SH3GL2: variants seen among roughly 807,000 people sequenced by gnomAD.
The protein encoded by SH3GL2 is SH3 domain containing GRB2 like 2, endophilin A1.
Under a neutral mutation model 46.0 loss-of-function variants are expected in SH3GL2, and 24 were observed. The ratio of observed to expected loss-of-function variants is 0.52; its 90% CI spans 0.38 to 0.73. The LOEUF (loss-of-function observed/expected upper bound fraction) is 0.73. Among genes scored for constraint, SH3GL2 ranks in the 30% least tolerant of loss-of-function variants. The pLI is 0.00. For synonymous variants in SH3GL2, 196 were observed against 147.1 expected (o/e 1.33, Z -2.40); for missense variants, 413 against 424.2 (o/e 0.97, Z 0.23).
chr9:17,713,568 C>T (rs1427617403), intron 1 of SH3GL2, among the ~76,000 whole-genome samples: 1 of 151,456 alleles, frequency 6.6e-6, no homozygotes, highest in Non-Finnish European at 1.5e-5. Context: ...TAGTGTCATT[C>T]CACAAATTCC....
chr9:17,787,637 C>T, intron 5 of SH3GL2, 124 bp downstream of exon 5: 2 of 696,070 alleles, frequency 2.9e-6, no homozygotes, highest in East Asian at 2.7e-5. Context: ...ACGTTAATTA[C>T]AAAACAACCC....
intron 1 of SH3GL2, among the ~76,000 whole-genome samples, chr9:17,683,106 TTAAC>T (rs1206496735): frequency 1.3e-4 from 20 of 152,250 alleles, no homozygotes; most frequent in Admixed American, 1.1e-3. Flanking sequence ...AGACATTTGC[TTAAC>T]TGGAGTAAAT....
intron 1 of SH3GL2, among the ~76,000 whole-genome samples, chr9:17,652,270 T>TC (rs1406657166): frequency 1.3e-5 from 2 of 152,148 alleles, no homozygotes; most frequent in African/African-American, 4.8e-5. Flanking sequence ...CATTATACTT[T>TC]AAGGATTTTA....
At chr9:17,739,398 C>G (rs566037724) in intron 1 of SH3GL2, among the ~76,000 whole-genome samples, 2 of 151,874 alleles carry the variant, frequency 1.3e-5, no homozygotes, top group African/African-American at 4.8e-5. Context: ...AATCTGACCT[C>G]AAGTCTTAGA....
intron 1 of SH3GL2, among the ~76,000 whole-genome samples, chr9:17,731,428 A>C (rs1822178304): frequency 6.6e-6 from 1 of 151,584 alleles, no homozygotes; most frequent in Non-Finnish European, 1.5e-5. Flanking sequence ...GGGAAGAGAG[A>C]GAGAGAGAAA....
intron 1 of SH3GL2, among the ~76,000 whole-genome samples, chr9:17,598,129 T>A (rs1818607738): frequency 6.6e-6 from 1 of 152,178 alleles, no homozygotes; most frequent in African/African-American, 2.4e-5. Flanking sequence ...CATGTTCTTT[T>A]CAGTATGTAG....
chr9:17,702,601 A>G (rs974650976), intron 1 of SH3GL2, among the ~76,000 whole-genome samples: 6 of 152,138 alleles, frequency 3.9e-5, no homozygotes, highest in Admixed American at 1.3e-4. Context: ...CTTGCTTATC[A>G]TATCATTGCA....
intron 1 of SH3GL2, among the ~76,000 whole-genome samples, chr9:17,733,124 G>T (rs10810838): frequency 0.19 from 28,763 of 151,912 alleles, 3,340 homozygotes; most frequent in East Asian, 0.37. Context: ...TTTTTGATGG[G>T]TGGTCAGACC....
Position 17,758,561 on chromosome 9 carries a change from C to CAAAAAAA in SH3GL2, c.115-2848_115-2842dup, listed in dbSNP as rs57019804. 4.6e-3 allele frequency among the ~76,000 whole-genome samples: 134 copies of CAAAAAAA among 29,218 alleles called. 20 individuals are homozygous for CAAAAAAA. The highest frequency in any genetic ancestry group is 9.6e-3 in the East Asian group (3 of 314). The allele number at this position is 29,218 out of a possible 152,430, so 19.2% of individuals were successfully genotyped here. On this transcript the variant is annotated intron_variant, in intron 2 of 8. Coordinates refer to ENST00000380607, the MANE Select transcript of SH3GL2 (RefSeq NM_003026.5). ...TGGGGGAGAGAGTAAGACCCTGTCT[C>CAAAAAAA]AAAAAAAAAAAAAAAAAAAAAAAAA...
chr9:17,723,560 T>C (rs1249438358), intron 1 of SH3GL2, among the ~76,000 whole-genome samples: 1 of 152,164 alleles, frequency 6.6e-6, no homozygotes, highest in Non-Finnish European at 1.5e-5. Context: ...ACTTTCAAAC[T>C]GTGTAACAGG....
chr9:17,775,699 G>A (rs1182345684), intron 3 of SH3GL2, among the ~76,000 whole-genome samples: 1 of 152,178 alleles, frequency 6.6e-6, no homozygotes, highest in East Asian at 1.9e-4. Context: ...AAAGGAATTA[G>A]GTCACTAAAA....
chr9:17,678,315 A>G lies in SH3GL2; in HGVS notation c.46-68751A>G, dbSNP rs138649294. 4.7e-3 allele frequency among the ~76,000 whole-genome samples: 709 copies of G among 152,208 alleles called. 9 individuals are homozygous for G. The highest frequency in any genetic ancestry group is 0.016 in the African/African-American group (681 of 41,522). On this transcript the variant is annotated intron_variant, in intron 1 of 8. Transcript: ENST00000380607. ...GCACCTGTTGTTTCCTGACTTTTTA[A>G]TGATCGCCATTGTAACTGGTATGAG... is the stretch of plus-strand genomic sequence containing the variant.
intron 3 of SH3GL2, among the ~76,000 whole-genome samples, chr9:17,785,776 C>T (rs138606593): frequency 3.6e-4 from 55 of 152,230 alleles, no homozygotes; most frequent in African/African-American, 1.3e-3. Context: ...TAGTTATGTG[C>T]TGGAGAAGTG....
chr9:17,713,352 T>A (rs1310778387), intron 1 of SH3GL2, among the ~76,000 whole-genome samples: 1 of 151,604 alleles, frequency 6.6e-6, no homozygotes, highest in Non-Finnish European at 1.5e-5. Context: ...AATAACATGC[T>A]TTTGGCATCA....
intron 1 of SH3GL2, among the ~76,000 whole-genome samples, chr9:17,744,660 G>A (rs559160388): frequency 1.3e-5 from 2 of 152,194 alleles, no homozygotes; most frequent in African/African-American, 2.4e-5. Flanking sequence ...GAGCCACTGT[G>A]CCTGGCCTAG....
chr9:17,745,030 G>A lies in SH3GL2; in HGVS notation c.46-2036G>A, dbSNP rs561646026. On this transcript the variant is annotated intron_variant, in intron 1 of 8. Transcript: ENST00000380607. ...TGGGTGGATGTAAAAACTCCTAGGG[G>A]TTTTTCCTGGAAAAACTGCTTCTAA... Among the ~76,000 whole-genome samples the A allele has an allele frequency of 2.0e-5, 3 of 152,200 alleles. No individual in the cohort carries two copies. The East Asian group carries it at 5.8e-4, about 29-fold the overall frequency.
chr9:17,620,342 A>C (rs533223440), intron 1 of SH3GL2, among the ~76,000 whole-genome samples: 1 of 152,336 alleles, frequency 6.6e-6, no homozygotes, highest in African/African-American at 2.4e-5. Context: ...AAGTGTATAA[A>C]AGGAAAAATA....
intron 1 of SH3GL2, among the ~76,000 whole-genome samples, chr9:17,682,922 C>T (rs1347567783): frequency 6.6e-6 from 1 of 151,978 alleles, no homozygotes; most frequent in East Asian, 1.9e-4. Flanking sequence ...TGTGAACATG[C>T]TTCTGCTGGG....
intron 1 of SH3GL2, among the ~76,000 whole-genome samples, chr9:17,619,825 T>A (rs1327487096): frequency 6.6e-6 from 1 of 152,146 alleles, no homozygotes; most frequent in Admixed American, 6.5e-5. Context: ...TATCTGATTA[T>A]TTCTTTAGAG....
Sources: gnomAD v4.1 joint callset for allele counts (sites outside exome capture counted in the v4.1 genomes callset) on GRCh38, gnomAD v4.1.1 for gene constraint, MANE v1.5 for transcripts, NCBI Gene and HGNC (gene_info 2026-07-23, HGNC 2026-07-21) for gene names.